The following NIBAN3 variants were observed in gnomAD, a reference collection of about 807,000 sequenced individuals.
NIBAN3 encodes niban apoptosis regulator 3, also known as protein Niban 3.
NIBAN3 carries 66 observed loss-of-function variants against 76.4 expected under a neutral mutation model. The observed-to-expected ratio is 0.86, with a 90% CI of 0.71 to 1.06. The LOEUF is 1.06. Among genes scored for constraint, NIBAN3 ranks in the 50% least tolerant of loss-of-function variants. The pLI is 0.00. For synonymous variants in NIBAN3, 360 were observed against 355.2 expected, an observed-to-expected ratio of 1.01 and a Z score of -0.15; for missense variants, 808 against 810.7, an observed-to-expected ratio of 1.00 and a Z score of 0.04.
chr19:17,531,089 G>A (rs1403313775), intron 2 of NIBAN3, among the ~76,000 whole-genome samples: 1 of 152,000 alleles, frequency 6.6e-6, no homozygotes, highest in African/African-American at 2.4e-5. Context: ...CAAGGCAGGC[G>A]GATCACCAGA....
rs2076167404 is a variant in NIBAN3, at chr19:17,552,116, T to TCA, written c.*220_*221dup. On this transcript the variant is annotated 3_prime_UTR_variant, in exon 15 of 15. Transcript: ENST00000599164. ...TTTTTTGAGACTGAGTCTTGCTCTGTCACCCGGGCTGGAGTGCAGTGGCAG... is the reference window on the plus strand; with the variant it reads ...TTTTTTGAGACTGAGTCTTGCTCTGTCACACCCGGGCTGGAGTGCAGTGGCAG... 1 of 306,416 alleles carries TCA rather than the reference T, an allele frequency of 3.3e-6. No homozygotes were observed. The highest frequency in any genetic ancestry group is 6.0e-6 in the Non-Finnish European group (1 of 167,114). The allele number at this position is 306,416 out of a possible 1,614,324, so 19.0% of individuals were successfully genotyped here. A position where few individuals can be genotyped will look rare whatever the true frequency, so the allele number is the denominator to read the frequency against.
chr19:17,552,049 G>T lies in NIBAN3; in HGVS notation c.*151G>T. ...ATACTCCAAGCAGCAGCATTTATTTGTGTATTTTCCCCAAGGCTTTCTTTA... is the reference window on the plus strand; with the variant it reads ...ATACTCCAAGCAGCAGCATTTATTTTTGTATTTTCCCCAAGGCTTTCTTTA... On this transcript the variant is annotated 3_prime_UTR_variant, in exon 15 of 15. Coordinates refer to ENST00000599164, the MANE Select transcript of NIBAN3 (RefSeq NM_001321827.2). 2.1e-5 allele frequency: 9 copies of T among 435,426 alleles called. No individual in the cohort carries two copies. Among genetic ancestry groups the T allele is most frequent in the South Asian group, 1.6e-4 (3 of 19,250 alleles). 27.0% of individuals were successfully genotyped at this position (435,426 alleles called of 1,614,324 possible). A position where few individuals can be genotyped will look rare whatever the true frequency, so the allele number is the denominator to read the frequency against.
intron 14 of NIBAN3, among the ~76,000 whole-genome samples, chr19:17,550,835 T>G (rs1186432106): frequency 7.1e-6 from 1 of 141,634 alleles, no homozygotes; most frequent in East Asian, 2.0e-4. Context: ...GGATTAATCT[T>G]GTACATACTT....
rs1468442685 is a variant in NIBAN3, at chr19:17,542,302, T to G, written c.1329+8T>G. 23 of 1,597,942 alleles carry G rather than the reference T, an allele frequency of 1.4e-5. No individual in the cohort carries two copies. The highest frequency in any genetic ancestry group is 1.8e-5 in the Non-Finnish European group (21 of 1,172,132). ...CAAGATCTTGCACAGCAGGTGAGGG[T>G]GAGAGGAGGCTGGGATGAGGCCAGG... On this transcript the variant is annotated splice_region_variant and intron_variant, in intron 10 of 14. Transcript: ENST00000599164. This position sits in a 1 kb window ranked among gnomAD's most constrained non-coding sequence, Gnocchi z 4.8.
intron 4 of NIBAN3, 145 bp downstream of exon 4, chr19:17,533,846 C>T: frequency 3.1e-6 from 2 of 637,436 alleles, no homozygotes; most frequent in Non-Finnish European, 5.5e-6. Flanking sequence ...TCCCTGCCTG[C>T]AGCAGCCCCC....
At chr19:17,523,723 C>T (rs762195967), upstream of NIBAN3, among the ~76,000 whole-genome samples, 21 of 152,178 alleles carry the variant, frequency 1.4e-4, no homozygotes, top group Non-Finnish European at 2.8e-4. Context: ...CCTTTCACCT[C>T]TCCCTCTCCC....
At chr19:17,549,952 G>A in intron 14 of NIBAN3, 1 of 346,054 alleles carries the variant, frequency 2.9e-6, no homozygotes, top group Non-Finnish European at 5.2e-6. Context: ...GAGTAGCTGG[G>A]ACTACAGGCG....
chr19:17,527,865 A>G (rs2075635685), intron 1 of NIBAN3, among the ~76,000 whole-genome samples: 1 of 150,392 alleles, frequency 6.6e-6, no homozygotes, highest in South Asian at 2.1e-4. Context: ...CTAATTTTTT[A>G]TTTGTTTTCG....
upstream of NIBAN3, chr19:17,523,475 A>G: frequency 6.4e-7 from 1 of 1,560,536 alleles, no homozygotes; most frequent in Non-Finnish European, 8.7e-7. Flanking sequence ...TAAACAGCAA[A>G]GAGAGCTGAG....
intron 10 of NIBAN3, 149 bp from the exon 11 acceptor site, chr19:17,543,168 A>C: frequency 1.6e-6 from 1 of 623,440 alleles, no homozygotes; most frequent in Non-Finnish European, 2.9e-6. Context: ...GAGGAGGGGA[A>C]AGGTGTTTCC....
In NIBAN3 at chr19:17,553,495, C is replaced by T; in HGVS notation, c.*1597C>T. 1 of 1,614,218 alleles carries T rather than the reference C, an allele frequency of 6.2e-7. No individual in the cohort carries two copies. Among genetic ancestry groups the T allele is most frequent in the Non-Finnish European group, 8.5e-7 (1 of 1,180,042 alleles). The stretch of plus-strand genomic sequence containing the variant: ...GTTCTTGGTTCAGCTTGCAGAGGGA[C>T]TTTCACACTCCCTGGAGACCGTTTC... On this transcript the variant is annotated 3_prime_UTR_variant, in exon 15 of 15. Coordinates refer to ENST00000599164, the MANE Select transcript of NIBAN3 (RefSeq NM_001321827.2).
Position 17,553,480 on chromosome 19 carries a change from C to T in NIBAN3, c.*1582C>T. ...CAGGGATTCCCGTGTGTTCTTGGTT[C>T]AGCTTGCAGAGGGACTTTCACACTC... On this transcript the variant is annotated 3_prime_UTR_variant, in exon 15 of 15. Transcript: ENST00000599164. 1.9e-6 allele frequency: 3 copies of T among 1,614,204 alleles called. No individual in the cohort carries two copies. The highest frequency in any genetic ancestry group is 2.5e-6 in the Non-Finnish European group (3 of 1,180,046).
At chr19:17,540,055 G>T in intron 8 of NIBAN3, 1 of 449,410 alleles carries the variant, frequency 2.2e-6, no homozygotes, top group Non-Finnish European at 3.9e-6. Flanking sequence ...CGGGGCCTCA[G>T]CGGGGGATAG....
At chr19:17,530,721 A>G in intron 1 of NIBAN3, 34 bp from the exon 2 acceptor site, 2 of 1,578,200 alleles carry the variant, frequency 1.3e-6, no homozygotes, top group East Asian at 2.3e-5. Flanking sequence ...GGCAGATTCA[A>G]TTTGCTGGGT....
intron 7 of NIBAN3, 63 bp downstream of exon 7, chr19:17,539,514 C>G: frequency 6.9e-7 from 1 of 1,459,716 alleles, no homozygotes; most frequent in Non-Finnish European, 9.1e-7. Context: ...TCCCCTCCCA[C>G]GACTGTCGCC....
Position 17,540,409 on chromosome 19 carries a change from C to G in NIBAN3, c.997C>G (p.Leu333Val). The G allele has an allele frequency of 6.6e-7, 1 of 1,510,840 alleles. No homozygotes were observed. Among genetic ancestry groups the G allele is most frequent in the African/African-American group, 1.4e-5 (1 of 70,648 alleles). 93.6% of individuals were successfully genotyped at this position (1,510,840 alleles called of 1,614,324 possible). A position where few individuals can be genotyped will look rare whatever the true frequency, so the allele number is the denominator to read the frequency against. Reference sequence around the variant, plus strand: ...ACTCCCAGCGGATATCAGGGGACCGCTCGAGTCGTGCCTGCGCCGGGAGGT... The same window carrying G: ...ACTCCCAGCGGATATCAGGGGACCGGTCGAGTCGTGCCTGCGCCGGGAGGT... ...GRLRTDIRGP[L>V]ESCLRREVDP... The change falls in exon 9 of 15, where the codon CTC becomes GTC. Residue 333 changes from leucine to valine, a missense_variant. By Grantham distance (32) the Leu-to-Val change is conservative. Coordinates refer to ENST00000599164, the MANE Select transcript of NIBAN3 (RefSeq NM_001321827.2).
intron 4 of NIBAN3, among the ~76,000 whole-genome samples, chr19:17,535,118 T>C (rs1035474790): frequency 6.6e-6 from 1 of 152,148 alleles, no homozygotes; most frequent in Non-Finnish European, 1.5e-5. Flanking sequence ...TGAGGGTTGA[T>C]TAAATATATT....
chr19:17,530,861 C>G lies in NIBAN3; in HGVS notation c.162C>G (p.Thr54=). The G allele has an allele frequency of 6.2e-7, 1 of 1,613,284 alleles. No individual in the cohort carries two copies. The highest frequency in any genetic ancestry group is 8.5e-7 in the Non-Finnish European group (1 of 1,179,794). Residue 54 remains threonine (T), a synonymous_variant, in exon 2 of 15, where the codon ACC becomes ACG. Coordinates refer to ENST00000599164, the MANE Select transcript of NIBAN3 (RefSeq NM_001321827.2). ...ISRELGPQEP[T]GSQLLRSKKL... ...GAGAGCTGGGCCCTCAGGAGCCGAC[C>G]GGAAGCCAGTTGCTACGCAGCAAAG...
In NIBAN3 at chr19:17,543,312, C is replaced by T. The variant is rs1568458444; in HGVS notation, c.1330-5C>T. On this transcript the variant is annotated splice_region_variant and splice_polypyrimidine_tract_variant and intron_variant, in intron 10 of 14. Coordinates refer to ENST00000599164, the MANE Select transcript of NIBAN3 (RefSeq NM_001321827.2). ...CTGGGGTCATCATAGCATCTCCTCC[C>T]ACAGCTCATGGCTGACGCCGTGGCC... 2 of 1,542,418 alleles carry T rather than the reference C, an allele frequency of 1.3e-6. No individual in the cohort carries two copies. Among genetic ancestry groups the T allele is most frequent in the South Asian group, 1.3e-5 (1 of 79,826 alleles).
Sources: allele counts gnomAD v4.1 joint callset (sites outside exome capture counted in the v4.1 genomes callset), GRCh38; gene constraint gnomAD v4.1.1; non-coding constraint Gnocchi (gnomAD v3.1); transcripts MANE v1.5; gene names NCBI Gene and HGNC (gene_info 2026-07-23, HGNC 2026-07-21).